The following BMP6 variants were observed in gnomAD, a reference collection of about 807,000 sequenced individuals.
BMP6 encodes VG-1-R.
A neutral mutation model predicts 54.1 loss-of-function variants in BMP6; 17 were observed. The ratio of observed to expected loss-of-function variants is 0.31; its 90% CI spans 0.22 to 0.47. BMP6 has a LOEUF of 0.47. Among genes scored for constraint, BMP6 ranks in the 20% least tolerant of loss-of-function variants. BMP6 has a pLI of 1.00. For missense variants in BMP6, 720 were observed against 690.4 expected (o/e 1.04, Z -0.48); for synonymous variants, 328 against 291.2 (o/e 1.13, Z -1.28).
chr6:7,769,836 CTT>C (rs1757756683), intron 1 of BMP6, among the ~76,000 whole-genome samples: 1 of 152,208 alleles, frequency 6.6e-6, no homozygotes, highest in African/African-American at 2.4e-5. Flanking sequence ...CCTAACTTGT[CTT>C]TTCATTGTCT....
intron 1 of BMP6, among the ~76,000 whole-genome samples, chr6:7,843,877 A>ATTTTTTTTAAAATTTTT (rs1759016959): frequency 6.6e-6 from 1 of 152,208 alleles, no homozygotes; most frequent in Non-Finnish European, 1.5e-5. Flanking sequence ...TTATTTTAAA[A>ATTTTTTTTAAAATTTTT]ACGTATTTTT....
At position 7,778,639 on chromosome 6, in the gene BMP6, G is replaced by C. The variant is rs137875868; in HGVS notation, c.664+51020G>C. Among the ~76,000 whole-genome samples the C allele has an allele frequency of 2.2e-3, 329 of 152,340 alleles. 1 individual carries two copies. The highest frequency in any genetic ancestry group is 3.6e-3 in the Non-Finnish European group (246 of 68,028). Reference sequence around the variant, plus strand: ...TAGACTTGAAGGAGAAACTGGAACTGTGTCATAATTTTAGGGTTTCAGACC... The same window carrying C: ...TAGACTTGAAGGAGAAACTGGAACTCTGTCATAATTTTAGGGTTTCAGACC... On this transcript the variant is annotated intron_variant, in intron 1 of 6. Coordinates refer to ENST00000283147, the MANE Select transcript of BMP6 (RefSeq NM_001718.6).
chr6:7,833,811 C>T (rs537145603), intron 1 of BMP6, among the ~76,000 whole-genome samples: 1 of 152,128 alleles, frequency 6.6e-6, no homozygotes, highest in Non-Finnish European at 1.5e-5. Context: ...AGGAATGTGT[C>T]CCACATGTTA....
chr6:7,823,453 A>C (rs1255527015), intron 1 of BMP6, among the ~76,000 whole-genome samples: 1 of 152,226 alleles, frequency 6.6e-6, no homozygotes, highest in Non-Finnish European at 1.5e-5. Context: ...GCACCACACG[A>C]ACTTCTTGCA....
At chr6:7,770,045 C>A (rs1189740800) in intron 1 of BMP6, among the ~76,000 whole-genome samples, 1 of 151,858 alleles carries the variant, frequency 6.6e-6, no homozygotes, top group Non-Finnish European at 1.5e-5. Context: ...TCCAACACCA[C>A]CCCCCTGCAC....
Position 7,804,445 on chromosome 6 carries a change from T to C in BMP6, c.665-40695T>C, listed in dbSNP as rs149266323. ...TTCAGTAGAGGTGCTGGTTTATACA[T>C]AGTGATTGTCAGGACAGAGTTTTCA... On this transcript the variant is annotated intron_variant, in intron 1 of 6. Transcript: ENST00000283147. Among the ~76,000 whole-genome samples, 249 of 152,320 alleles carry C rather than the reference T, an allele frequency of 1.6e-3. 1 individual carries two copies. The highest frequency in any genetic ancestry group is 0.012 in the East Asian group (61 of 5,190).
At chr6:7,816,236 G>T (rs568790386) in intron 1 of BMP6, among the ~76,000 whole-genome samples, 1 of 152,324 alleles carries the variant, frequency 6.6e-6, no homozygotes, top group South Asian at 2.1e-4. Flanking sequence ...GCAGGAAATA[G>T]TGGAAACAGA....
chr6:7,774,462 A>G (rs1757834325), intron 1 of BMP6, among the ~76,000 whole-genome samples: 3 of 152,252 alleles, frequency 2.0e-5, no homozygotes, highest in Non-Finnish European at 4.4e-5. Context: ...AGGCAGGAGA[A>G]TCACTTGAAC....
intron 1 of BMP6, among the ~76,000 whole-genome samples, chr6:7,744,160 A>G (rs1471099283): frequency 6.6e-6 from 1 of 152,164 alleles, no homozygotes; most frequent in Non-Finnish European, 1.5e-5. Context: ...TCAGCTGTCC[A>G]TCTTTTTTCT....
chr6:7,729,329 C>G (rs1300871374), intron 1 of BMP6, among the ~76,000 whole-genome samples: 1 of 151,628 alleles, frequency 6.6e-6, no homozygotes, highest in Admixed American at 6.6e-5. Context: ...ACCCCCCGCC[C>G]CCACCCCGCC....
chr6:7,865,785 C>G (rs1165172737), intron 4 of BMP6, among the ~76,000 whole-genome samples: 1 of 152,156 alleles, frequency 6.6e-6, no homozygotes, highest in Non-Finnish European at 1.5e-5. Context: ...TCTGCTGCCC[C>G]CTTCTTCCAT....
At chr6:7,751,333 C>CT (rs1213207916) in intron 1 of BMP6, among the ~76,000 whole-genome samples, 1 of 152,148 alleles carries the variant, frequency 6.6e-6, no homozygotes, top group East Asian at 1.9e-4. Context: ...ATGTCAAACA[C>CT]TTTAATTGGA....
chr6:7,831,443 TTA>T (rs1315365517), intron 1 of BMP6, among the ~76,000 whole-genome samples: 4 of 152,288 alleles, frequency 2.6e-5, no homozygotes, highest in East Asian at 3.9e-4. Flanking sequence ...ATGGTGAATT[TTA>T]TGTTATGTAA....
chr6:7,845,820 A>AAATCACT (rs1759053717), intron 2 of BMP6, among the ~76,000 whole-genome samples: 1 of 152,104 alleles, frequency 6.6e-6, no homozygotes, highest in Non-Finnish European at 1.5e-5. Flanking sequence ...CTTGGATACA[A>AAATCACT]GGGAGCAGTA....
At chr6:7,727,928 G>T (rs960162081) in intron 1 of BMP6, among the ~76,000 whole-genome samples, 1 of 125,112 alleles carries the variant, frequency 8.0e-6, no homozygotes, top group East Asian at 2.1e-4. Flanking sequence ...CACGTTCCGC[G>T]CTTTTTTTCA....
chr6:7,836,858 T>TTG (rs1758884120), intron 1 of BMP6, among the ~76,000 whole-genome samples: 1 of 152,190 alleles, frequency 6.6e-6, no homozygotes, highest in Non-Finnish European at 1.5e-5. Context: ...AACATGAAAG[T>TTG]CAAAAGGCCG....
At chr6:7,822,008 A>G (rs34147491) in intron 1 of BMP6, among the ~76,000 whole-genome samples, 24,030 of 151,884 alleles carry the variant, frequency 0.16, 2,234 homozygotes, top group African/African-American at 0.25. Flanking sequence ...GCACGTTGCC[A>G]TGGACTGCAG....
At chr6:7,828,362 G>A (rs1195889356) in intron 1 of BMP6, among the ~76,000 whole-genome samples, 2 of 152,224 alleles carry the variant, frequency 1.3e-5, no homozygotes, top group Non-Finnish European at 2.9e-5. Context: ...TGTTCTGTTT[G>A]TGTGTTCAGA....
At chr6:7,842,175 A>G (rs909717035) in intron 1 of BMP6, among the ~76,000 whole-genome samples, 7 of 152,188 alleles carry the variant, frequency 4.6e-5, no homozygotes, top group African/African-American at 1.7e-4. Flanking sequence ...GTTTAAAACA[A>G]CAACGAGTTA....
Sources: allele counts gnomAD v4.1 joint callset (sites outside exome capture counted in the v4.1 genomes callset), GRCh38; gene constraint gnomAD v4.1.1; transcripts MANE v1.5; gene names NCBI Gene and HGNC (gene_info 2026-07-23, HGNC 2026-07-21).